Variants in KCNG2 observed in about 807,000 individuals in gnomAD.
KCNG2 encodes potassium voltage-gated channel modifier subfamily G member 2.
Under a neutral mutation model 12.3 loss-of-function variants are expected in KCNG2, and 7 were observed. The ratio of observed to expected loss-of-function variants is 0.57; its 90% confidence interval spans 0.32 to 1.07. The LOEUF (loss-of-function observed/expected upper bound fraction) is 1.07, where lower values mean the gene tolerates loss of function less well. Ranked by LOEUF, KCNG2 falls within the 50% of genes least tolerant of loss-of-function variation. KCNG2 has a pLI of 0.04. For synonymous variants in KCNG2, 414 were observed against 351.4 expected (o/e 1.18, Z -1.99); for missense variants, 703 against 726.0 (o/e 0.97, Z 0.36).
chr18:79,841,296 TAATA>T (rs924023742), intron 1 of KCNG2, among the ~76,000 whole-genome samples: 9 of 151,942 alleles, frequency 5.9e-5, no homozygotes, highest in Admixed American at 2.0e-4. Flanking sequence ...CCCTATCTCA[TAATA>T]AATAAATAAA....
At chr18:79,854,778 A>G (rs927868434) in intron 1 of KCNG2, among the ~76,000 whole-genome samples, 2 of 152,138 alleles carry the variant, frequency 1.3e-5, no homozygotes, top group Admixed American at 6.5e-5. Context: ...CTCCCAAAGT[A>G]CAGGGATTAC....
intron 3 of KCNG2, among the ~76,000 whole-genome samples, chr18:79,882,559 C>T (rs551626649): frequency 6.6e-6 from 1 of 152,282 alleles, no homozygotes; most frequent in African/African-American, 2.4e-5. Context: ...GAAGACACGC[C>T]TATGGCAAAT....
chr18:79,899,720 C>T lies in KCNG2; in HGVS notation c.1305C>T (p.His435=). 6.2e-7 allele frequency: 1 copy of T among 1,603,210 alleles called. No individual in the cohort carries two copies. Among genetic ancestry groups the T allele is most frequent in the Non-Finnish European group, 8.5e-7 (1 of 1,177,196 alleles). Residue 435 remains histidine, a synonymous_variant, in exon 4 of 4, where the codon CAC becomes CAT. Transcript: ENST00000316249. Reference sequence around the variant, plus strand: ...CGGCCCTGCAGGAGGACAGCACGCACTCGGCCACAGCCACCGAGGACAGCT... The same window carrying T: ...CGGCCCTGCAGGAGGACAGCACGCATTCGGCCACAGCCACCGAGGACAGCT... The part of the protein sequence containing the change: ...PEPALQEDST[H]SATATEDSSQ...
rs976386370 is a variant in KCNG2, at chr18:79,887,077, C to T, written c.625-11963C>T. On this transcript the variant is annotated intron_variant, in intron 3 of 3. Transcript: ENST00000316249. The stretch of plus-strand genomic sequence containing the variant: ...ACGTGGGGACAGGGACATGGGGACA[C>T]GGGACAGGGACATAGGGCCATAGGG... Among the ~76,000 whole-genome samples, 17 of 140,144 alleles carry T rather than the reference C, an allele frequency of 1.2e-4. 2 individuals carry two copies. The highest frequency in any genetic ancestry group is 6.2e-4 in the Admixed American group (9 of 14,432). The allele number at this position is 140,144 out of a possible 152,430, so 91.9% of individuals were successfully genotyped here. A position where few individuals can be genotyped will look rare whatever the true frequency, so the allele number is the denominator to read the frequency against.
At chr18:79,849,502 G>A (rs1312302621) in intron 1 of KCNG2, among the ~76,000 whole-genome samples, 1 of 152,236 alleles carries the variant, frequency 6.6e-6, no homozygotes, top group Admixed American at 6.5e-5. Context: ...GCCGCATCTG[G>A]ACAGGCCGCA....
At chr18:79,825,139 G>T (rs1341415373) in intron 1 of KCNG2, among the ~76,000 whole-genome samples, 1 of 152,082 alleles carries the variant, frequency 6.6e-6, no homozygotes, top group Non-Finnish European at 1.5e-5. Flanking sequence ...AATGGAAATG[G>T]GTCTGCTGAA....
chr18:79,814,618 C>T (rs1338252167), intron 1 of KCNG2, among the ~76,000 whole-genome samples: 2 of 152,120 alleles, frequency 1.3e-5, no homozygotes, highest in Admixed American at 6.6e-5. Flanking sequence ...ACACTGCCTG[C>T]GTGGGTCAGC....
In KCNG2 at chr18:79,899,957, GCCCCAGAA is replaced by G; in HGVS notation, c.*143_*150del. ...CGTCCTCGGCCCTCGTGCGTGAGCAGCCCCAGAACTTGGCGGGGCCCTGCCTGACTCCC... is the reference window on the plus strand; with the variant it reads ...CGTCCTCGGCCCTCGTGCGTGAGCAGCTTGGCGGGGCCCTGCCTGACTCCC... On this transcript the variant is annotated 3_prime_UTR_variant, in exon 4 of 4. Coordinates refer to ENST00000316249, the MANE Select transcript of KCNG2 (RefSeq NM_012283.2). 1 of 766,014 alleles carries G rather than the reference GCCCCAGAA, an allele frequency of 1.3e-6. No individual in the cohort carries two copies. The highest frequency in any genetic ancestry group is 1.8e-6 in the Non-Finnish European group (1 of 563,374). 47.5% of individuals were successfully genotyped at this position (766,014 alleles called of 1,614,324 possible).
chr18:79,852,697 G>A (rs1315172811), intron 1 of KCNG2, among the ~76,000 whole-genome samples: 1 of 152,254 alleles, frequency 6.6e-6, no homozygotes, highest in East Asian at 1.9e-4. Context: ...CTGGAGATGA[G>A]CTGGACTTTG....
chr18:79,890,636 C>T (rs889769263), intron 3 of KCNG2, among the ~76,000 whole-genome samples: 3 of 152,168 alleles, frequency 2.0e-5, no homozygotes, highest in Non-Finnish European at 4.4e-5. Context: ...GACAAGACAT[C>T]GTTCTTTCTG....
intron 1 of KCNG2, among the ~76,000 whole-genome samples, chr18:79,799,677 T>C (rs866725808): frequency 6.6e-6 from 1 of 152,134 alleles, no homozygotes; most frequent in Non-Finnish European, 1.5e-5. Context: ...AAGGGAAAAA[T>C]TGGTGTTTTT....
chr18:79,856,277 C>T (rs576845861), intron 1 of KCNG2, among the ~76,000 whole-genome samples, 102 bp from the exon 2 acceptor site: 28 of 152,196 alleles, frequency 1.8e-4, no homozygotes, highest in Middle Eastern at 3.4e-3. Flanking sequence ...TGTGTGTGCT[C>T]GCGGGGACTG....
At chr18:79,851,767 C>CTG (rs55732287) in intron 1 of KCNG2, among the ~76,000 whole-genome samples, 137,172 of 151,512 alleles carry the variant, frequency 0.91, 63,712 homozygotes, top group South Asian at 1. Context: ...GTGTGTGTGA[C>CTG]TGTGAATGCG....
chr18:79,865,750 GTCTGGGTGCTGAGA>G, intron 3 of KCNG2, among the ~76,000 whole-genome samples: 1 of 111,686 alleles, frequency 9.0e-6, no homozygotes. Flanking sequence ...GGGTGCTGAG[GTCTGGGTGCTGAGA>G]GGTCTGTGTG....
chr18:79,801,429 C>T (rs377097620), intron 1 of KCNG2, among the ~76,000 whole-genome samples: 13 of 152,194 alleles, frequency 8.5e-5, no homozygotes, highest in African/African-American at 2.7e-4. Context: ...TTTCCTCAGC[C>T]GGGGCCTGTG....
At chr18:79,841,296 TAATAAATA>T (rs924023742) in intron 1 of KCNG2, among the ~76,000 whole-genome samples, 4 of 151,942 alleles carry the variant, frequency 2.6e-5, no homozygotes, top group South Asian at 2.1e-4. Flanking sequence ...CCCTATCTCA[TAATAAATA>T]AATAAATAAA....
intron 1 of KCNG2, among the ~76,000 whole-genome samples, chr18:79,829,805 G>A (rs934377314): frequency 6.6e-6 from 1 of 152,238 alleles, no homozygotes; most frequent in African/African-American, 2.4e-5. Context: ...TAAGACAGGG[G>A]CCTTGTGTCT....
chr18:79,837,130 A>G (rs1413939452), intron 1 of KCNG2, among the ~76,000 whole-genome samples: 1 of 152,200 alleles, frequency 6.6e-6, no homozygotes, highest in African/African-American at 2.4e-5. Flanking sequence ...CCCATTCCAA[A>G]TGGGAGAAAT....
At chr18:79,832,627 T>C (rs1375463722) in intron 1 of KCNG2, among the ~76,000 whole-genome samples, 1 of 152,206 alleles carries the variant, frequency 6.6e-6, no homozygotes, top group Non-Finnish European at 1.5e-5. Context: ...TCATGAAACC[T>C]TGGAACTGGG....
Sources: allele counts gnomAD v4.1 joint callset (sites outside exome capture counted in the v4.1 genomes callset), GRCh38; gene constraint gnomAD v4.1.1; transcripts MANE v1.5; gene names NCBI Gene and HGNC (gene_info 2026-07-23, HGNC 2026-07-21).